The following OR2L13 variants were observed in gnomAD, a reference collection of about 807,000 sequenced individuals.
OR2L13 encodes olfactory receptor 2L13.
Under a neutral mutation model 15.3 loss-of-function variants are expected in OR2L13, and 14 were observed. That is an observed-to-expected ratio of 0.91 (90% CI 0.60 to 1.43). OR2L13 has a LOEUF of 1.43. Among genes scored for constraint, OR2L13 ranks in the 40% most tolerant of loss-of-function variants. The probability of loss-of-function intolerance (pLI) is 0.00; values close to 1 mark genes in which losing one functional copy is unlikely to be tolerated. For missense variants in OR2L13, 367 were observed against 387.9 expected (o/e 0.95, Z 0.45); for synonymous variants, 152 against 142.9 (o/e 1.06, Z -0.45).
At chr1:247,972,032 C>T in the OR2L13 span, among the ~76,000 whole-genome samples, 27 of 152,072 alleles carry the variant, frequency 1.8e-4, no homozygotes, top group East Asian at 4.1e-3. Context: ...GGGTAAATAA[C>T]GAAATTAAGG....
At chr1:247,957,083 G>T in the OR2L13 span, among the ~76,000 whole-genome samples, 1 of 152,178 alleles carries the variant, frequency 6.6e-6, no homozygotes, top group African/African-American at 2.4e-5. Flanking sequence ...CTGTAAGTTT[G>T]TCATAGATAG....
At chr1:247,981,400 GAAAAT>G in the OR2L13 span, among the ~76,000 whole-genome samples, 1 of 152,112 alleles carries the variant, frequency 6.6e-6, no homozygotes, top group Non-Finnish European at 1.5e-5. Flanking sequence ...ACCCTCTTCT[GAAAAT>G]AAATAATGCA....
the OR2L13 span, among the ~76,000 whole-genome samples, chr1:248,002,784 G>A: frequency 4.0e-5 from 6 of 151,798 alleles, no homozygotes; most frequent in Non-Finnish European, 8.8e-5. Context: ...CGGGAACCCG[G>A]GAGGCAGAGC....
chr1:247,965,193 G>A, the OR2L13 span: 2 of 641,700 alleles, frequency 3.1e-6, no homozygotes, highest in East Asian at 6.2e-5. Flanking sequence ...GTAACAGTAT[G>A]CGAGAATGTG....
chr1:248,060,542 A>C, the OR2L13 span: 1 of 666,350 alleles, frequency 1.5e-6, no homozygotes, highest in Non-Finnish European at 2.7e-6. Flanking sequence ...AGAAAATAAT[A>C]GTGTATATAG....
At chr1:248,022,261 C>G in the OR2L13 span, 1 of 1,614,162 alleles carries the variant, frequency 6.2e-7, no homozygotes, top group Non-Finnish European at 8.5e-7. Flanking sequence ...TTCTTCATGA[C>G]TTTTGCAGGT....
the OR2L13 span, chr1:247,990,871 A>G: frequency 1.2e-5 from 19 of 1,520,274 alleles, no homozygotes; most frequent in Non-Finnish European, 1.7e-5. Context: ...GTTTTTGAGC[A>G]CCACCATTTT....
At chr1:247,966,407 G>A in the OR2L13 span, 1 of 1,431,146 alleles carries the variant, frequency 7.0e-7, no homozygotes, top group Non-Finnish European at 9.5e-7. Context: ...TGTGTTTTCT[G>A]TATAGAAGTC....
chr1:247,990,339 T>G, the OR2L13 span: 22 of 1,498,434 alleles, frequency 1.5e-5, no homozygotes, highest in Non-Finnish European at 1.9e-5. Flanking sequence ...AATTGGCCAT[T>G]TCATCTTCAT....
chr1:248,058,736 A>C, the OR2L13 span, among the ~76,000 whole-genome samples: 1 of 151,936 alleles, frequency 6.6e-6, no homozygotes, highest in Admixed American at 6.6e-5. Context: ...ATTTCAGAGA[A>C]AATTTTTAAA....
chr1:248,061,774 T>C, the OR2L13 span: 1 of 599,320 alleles, frequency 1.7e-6, no homozygotes. Context: ...TTGTTTTACA[T>C]ATATATGTAT....
At chr1:247,962,924 A>T in the OR2L13 span, among the ~76,000 whole-genome samples, 2 of 152,180 alleles carry the variant, frequency 1.3e-5, no homozygotes, top group South Asian at 4.1e-4. Flanking sequence ...AATAAGACTC[A>T]AATTTCAATA....
chr1:248,010,226 ATC>A, the OR2L13 span, among the ~76,000 whole-genome samples: 3 of 152,154 alleles, frequency 2.0e-5, no homozygotes, highest in Non-Finnish European at 2.9e-5. Context: ...AAGTAAAATT[ATC>A]TCTCTTTGCA....
the OR2L13 span, chr1:247,949,523 T>C: frequency 6.2e-7 from 1 of 1,614,114 alleles, no homozygotes; most frequent in South Asian, 1.1e-5. Flanking sequence ...AGGTTCTCTT[T>C]GCTGTCTACC....
At chr1:248,002,557 G>T in the OR2L13 span, among the ~76,000 whole-genome samples, 724 of 152,132 alleles carry the variant, frequency 4.8e-3, 7 homozygotes, top group African/African-American at 0.016. Flanking sequence ...AAATTTCTTC[G>T]CTTTTAAAAA....
At chr1:247,970,460 A>G in the OR2L13 span, among the ~76,000 whole-genome samples, 2 of 152,120 alleles carry the variant, frequency 1.3e-5, no homozygotes, top group African/African-American at 2.4e-5. Context: ...ATCATGAAGA[A>G]TCTTGGGGAA....
chr1:247,986,416 G>A, the OR2L13 span, among the ~76,000 whole-genome samples: 1 of 152,100 alleles, frequency 6.6e-6, no homozygotes, highest in East Asian at 1.9e-4. Context: ...AAGATCAGAT[G>A]GTTGTAGATA....
At chr1:248,047,951 G>A in the OR2L13 span, among the ~76,000 whole-genome samples, 1 of 152,042 alleles carries the variant, frequency 6.6e-6, no homozygotes, top group African/African-American at 2.4e-5. Context: ...TAAGATACAG[G>A]GTCAGACATT....
At chr1:248,038,396 C>T in the OR2L13 span, 1 of 1,613,584 alleles carries the variant, frequency 6.2e-7, no homozygotes, top group Admixed American at 1.7e-5. Flanking sequence ...GAAATCTATC[C>T]ATGATTCTTC....
Sources: allele counts gnomAD v4.1 joint callset (sites outside exome capture counted in the v4.1 genomes callset), GRCh38; gene constraint gnomAD v4.1.1; transcripts MANE v1.5; gene names NCBI Gene and HGNC (gene_info 2026-07-23, HGNC 2026-07-21).